SLC8A1: variants seen among roughly 807,000 people sequenced by gnomAD.
The protein encoded by SLC8A1 is solute carrier family 8 member A1.
SLC8A1 carries 18 observed loss-of-function variants against 68.3 expected under a neutral mutation model. That is an observed-to-expected ratio of 0.26 (90% CI 0.18 to 0.39). The LOEUF is 0.39. Ranked by LOEUF, SLC8A1 falls within the 10% of genes least tolerant of loss-of-function variation. The pLI is 1.00. For synonymous variants in SLC8A1, 475 were observed against 415.5 expected (o/e 1.14, Z -1.74); for missense variants, 985 against 1,156.7 (o/e 0.85, Z 2.15).
chr2:40,493,997 A>G (rs528795247), intron 1 of SLC8A1, among the ~76,000 whole-genome samples: 1 of 151,476 alleles, frequency 6.6e-6, no homozygotes, highest in Non-Finnish European at 1.5e-5. Flanking sequence ...TTCAAATATT[A>G]ATACAACTTG....
chr2:40,299,538 A>AG (rs3059518), intron 2 of SLC8A1, among the ~76,000 whole-genome samples: 1 of 151,720 alleles, frequency 6.6e-6, no homozygotes, highest in African/African-American at 2.4e-5. Flanking sequence ...AGGAGATTTA[A>AG]AGTGACAAAT....
intron 2 of SLC8A1, among the ~76,000 whole-genome samples, chr2:40,258,553 T>C (rs2064254163): frequency 4.8e-4 from 1 of 2,080 alleles, no homozygotes; most frequent in African/African-American, 7.7e-4. Context: ...AACTCAGTCT[T>C]TACTGGCCGG....
At chr2:40,332,386 C>G (rs992642523) in intron 2 of SLC8A1, among the ~76,000 whole-genome samples, 19 of 137,140 alleles carry the variant, frequency 1.4e-4, no homozygotes, top group African/African-American at 5.2e-4. Context: ...TCAATTCAAA[C>G]AGTCAAATGA....
At chr2:40,299,968 C>T (rs1407804512) in intron 2 of SLC8A1, among the ~76,000 whole-genome samples, 1 of 152,128 alleles carries the variant, frequency 6.6e-6, no homozygotes, top group Non-Finnish European at 1.5e-5. Flanking sequence ...CTATCACATT[C>T]CTGGCTTTTG....
At chr2:40,134,677 G>C (rs915291553) in intron 7 of SLC8A1, among the ~76,000 whole-genome samples, 4 of 152,044 alleles carry the variant, frequency 2.6e-5, no homozygotes, top group Non-Finnish European at 5.9e-5. Flanking sequence ...CTTAACTGTC[G>C]CTAGAAGTTA....
At chr2:40,137,564 G>C (rs988385124) in intron 7 of SLC8A1, among the ~76,000 whole-genome samples, 3 of 152,016 alleles carry the variant, frequency 2.0e-5, no homozygotes, top group Non-Finnish European at 2.9e-5. Context: ...TAGAAGCAAC[G>C]GACAACCACA....
intron 2 of SLC8A1, among the ~76,000 whole-genome samples, chr2:40,263,801 T>C (rs531494042): frequency 1.3e-5 from 2 of 152,310 alleles, no homozygotes; most frequent in East Asian, 1.9e-4. Flanking sequence ...AAGGACTTCA[T>C]GTCTAAAACA....
chr2:40,385,507 T>TAGA lies in SLC8A1; in HGVS notation c.1808+42965_1808+42966insTCT, dbSNP rs1382334201. Among the ~76,000 whole-genome samples the TAGA allele has an allele frequency of 4.9e-5, 3 of 61,096 alleles. No individual in the cohort carries two copies. In the African/African-American group the frequency reaches 6.0e-4, roughly 12 times the overall value. 40.1% of individuals were successfully genotyped at this position (61,096 alleles called of 152,430 possible). On this transcript the variant is annotated intron_variant, in intron 2 of 7. Coordinates refer to ENST00000406785, the Ensembl canonical transcript of SLC8A1. Reference sequence around the variant, plus strand: ...AAGTATAAATATAGGTGAGGAGATTTATAATAAACACGGGATAATGATAAT... The same window carrying TAGA: ...AAGTATAAATATAGGTGAGGAGATTTAGAATAATAAACACGGGATAATGATAAT...
chr2:40,305,652 AG>A (rs1197411764), intron 2 of SLC8A1, among the ~76,000 whole-genome samples: 1 of 152,204 alleles, frequency 6.6e-6, no homozygotes, highest in Admixed American at 6.5e-5. Context: ...TTCCTATAAC[AG>A]TTTACCTTTC....
rs147548362 is a variant in SLC8A1 at position 40,308,094 on chromosome 2, C to A, written c.1808+120379G>T. Among the ~76,000 whole-genome samples, 42 of 152,012 alleles carry A rather than the reference C, an allele frequency of 2.8e-4. No individual in the cohort carries two copies. The East Asian group carries it at 7.5e-3, about 27-fold the overall frequency. The stretch of plus-strand genomic sequence containing the variant: ...GTTTTGTTTCTCAAGCCTAAGAAAC[C>A]CCATTTTGGCCCAATATACAGACTA... On this transcript the variant is annotated intron_variant, in intron 2 of 7. Transcript: ENST00000406785.
intron 2 of SLC8A1, among the ~76,000 whole-genome samples, chr2:40,297,476 T>C (rs185608011): frequency 6.6e-6 from 1 of 152,306 alleles, no homozygotes; most frequent in Non-Finnish European, 1.5e-5. Context: ...AGTGGGACGA[T>C]GACCCATTTT....
chr2:40,365,472 T>A (rs1675869265), intron 2 of SLC8A1, among the ~76,000 whole-genome samples: 1 of 152,046 alleles, frequency 6.6e-6, no homozygotes, highest in Non-Finnish European at 1.5e-5. Context: ...CCATTTCACT[T>A]TTCACCTAAC....
intron 4 of SLC8A1, among the ~76,000 whole-genome samples, chr2:40,173,015 C>T (rs1008308385): frequency 6.6e-6 from 1 of 152,162 alleles, no homozygotes; most frequent in African/African-American, 2.4e-5. Flanking sequence ...TGACGTGTGG[C>T]TACAGAGCAT....
chr2:40,295,108 T>G (rs74912261), intron 2 of SLC8A1, among the ~76,000 whole-genome samples: 2 of 147,388 alleles, frequency 1.4e-5, no homozygotes, highest in Non-Finnish European at 2.9e-5. Flanking sequence ...AATTATTATT[T>G]TTTTTTTTTG....
At chr2:40,506,752 G>C (rs113469952) in intron 1 of SLC8A1, among the ~76,000 whole-genome samples, 1,995 of 151,876 alleles carry the variant, frequency 0.013, 48 homozygotes, top group African/African-American at 0.045. Flanking sequence ...ATCTTTTTAA[G>C]CAAAAGAATA....
At chr2:40,280,814 C>A (rs1332772796) in intron 2 of SLC8A1, among the ~76,000 whole-genome samples, 2 of 152,094 alleles carry the variant, frequency 1.3e-5, no homozygotes, top group Non-Finnish European at 2.9e-5. Flanking sequence ...GTAACAATAG[C>A]CAGGCAAAGG....
chr2:40,252,311 T>G (rs1298317307), intron 2 of SLC8A1, among the ~76,000 whole-genome samples: 1 of 152,162 alleles, frequency 6.6e-6, no homozygotes, highest in African/African-American at 2.4e-5. Flanking sequence ...TGTGCAGTTT[T>G]TTTTTTTAGA....
intron 6 of SLC8A1, among the ~76,000 whole-genome samples, chr2:40,145,147 C>T (rs1420411184): frequency 2.0e-5 from 3 of 151,950 alleles, no homozygotes; most frequent in African/African-American, 7.3e-5. Context: ...TCTTTTCAAA[C>T]ATATATATTT....
chr2:40,313,683 G>T (rs368776835), intron 2 of SLC8A1, among the ~76,000 whole-genome samples: 2 of 151,954 alleles, frequency 1.3e-5, no homozygotes, highest in South Asian at 2.1e-4. Flanking sequence ...GATTACAGGC[G>T]TGAGTCACAG....
Sources: allele counts gnomAD v4.1 joint callset (sites outside exome capture counted in the v4.1 genomes callset), GRCh38; gene constraint gnomAD v4.1.1; transcripts MANE v1.5; gene names NCBI Gene and HGNC (gene_info 2026-07-23, HGNC 2026-07-21).